CEMIP: variants seen among roughly 807,000 people sequenced by gnomAD.
CEMIP encodes the protein cell migration inducing hyaluronidase 1, also known as cell migration-inducing and hyaluronan-binding protein.
In CEMIP, 105 loss-of-function variants were observed where a neutral mutation model predicts 156.9. The ratio of observed to expected loss-of-function variants is 0.67; its 90% CI spans 0.57 to 0.79. The LOEUF is 0.79. CEMIP is among the 30% of genes least tolerant of loss of function. The probability of loss-of-function intolerance (pLI) is 0.00; values close to 1 mark genes in which losing one functional copy is unlikely to be tolerated. For synonymous variants in CEMIP, 676 were observed against 668.4 expected (o/e 1.01, Z -0.17); for missense variants, 1,457 against 1,769.4 (o/e 0.82, Z 3.17).
chr15:80,848,666 C>T (rs1158224085), intron 1 of CEMIP, among the ~76,000 whole-genome samples: 3 of 152,112 alleles, frequency 2.0e-5, no homozygotes, highest in African/African-American at 7.2e-5. Context: ...CACTGCCTGC[C>T]CATAGATGAG....
Position 80,887,748 on chromosome 15 carries a change from C to T in CEMIP, c.852C>T (p.Asp284=). 1 of 1,613,200 alleles carries T rather than the reference C, an allele frequency of 6.2e-7. No homozygotes were observed. Among genetic ancestry groups the T allele is most frequent in the East Asian group, 2.2e-5 (1 of 44,878 alleles). ...VKGNPSSSVE[D]HIEYHGHRGS... ...GAAATCCATCATCTTCAGTGGAAGA[C>T]CATATTGAATATCATGGTAATACAT... The change falls in exon 8 of 30, where the codon GAC becomes GAT. Residue 284 remains aspartate, a synonymous_variant. Transcript: ENST00000394685.
At position 80,949,667 on chromosome 15, in the gene CEMIP, G is replaced by A. The variant is rs1901733435; in HGVS notation, c.*743G>A. The A allele has an allele frequency of 1.9e-5, 3 of 156,518 alleles. No individual in the cohort carries two copies. Among genetic ancestry groups the A allele is most frequent in the African/African-American group, 7.2e-5 (3 of 41,486 alleles). The allele number at this position is 156,518 out of a possible 1,614,324, so 9.7% of individuals were successfully genotyped here. ...TGCCCCAGCGCACACGGGATGGAGA[G>A]GTGAGAACTAATGCCTAGCTTGAGG... On this transcript the variant is annotated 3_prime_UTR_variant, in exon 30 of 30. Transcript: ENST00000394685.
chr15:80,927,775 C>T lies in CEMIP; in HGVS notation c.2421-1127C>T, dbSNP rs369699796. Among the ~76,000 whole-genome samples the T allele has an allele frequency of 9.2e-5, 14 of 152,096 alleles. No homozygotes were observed. In the East Asian group the frequency reaches 1.7e-3, roughly 19 times the overall value. The stretch of plus-strand genomic sequence containing the variant: ...GGACCAGGAGCCTAGCACTGGGGGA[C>T]AGAAGCAATGAGGAAAAGCCATGGA... On this transcript the variant is annotated intron_variant, in intron 19 of 29. Coordinates refer to ENST00000394685, the MANE Select transcript of CEMIP (RefSeq NM_001293298.2).
intron 12 of CEMIP, among the ~76,000 whole-genome samples, chr15:80,902,019 C>T (rs1282445714): frequency 3.9e-5 from 6 of 152,200 alleles, no homozygotes; most frequent in Admixed American, 1.3e-4. Flanking sequence ...TCCTCATACC[C>T]GATCTGAGAA....
Position 80,924,703 on chromosome 15 carries a change from C to T in CEMIP, c.2285C>T (p.Ala762Val), listed in dbSNP as rs751310832. Reference protein sequence around the residue: ...DKRPFLSIISARYSPHQDADP... With the variant: ...DKRPFLSIISVRYSPHQDADP... Reference sequence around the variant, plus strand: ...CGGCCGTTCCTCTCAATCATCTCTGCCAGGTAATCAGCCATTGGGAAGACA... The same window carrying T: ...CGGCCGTTCCTCTCAATCATCTCTGTCAGGTAATCAGCCATTGGGAAGACA... Residue 762 changes from alanine to valine, a missense_variant, in exon 18 of 30, where the codon GCC becomes GTC. Around this residue, in one of 5 missense-constraint regions of CEMIP, gnomAD observed 798 missense variants for 980.1 expected, o/e 0.81. Coordinates refer to ENST00000394685, the MANE Select transcript of CEMIP (RefSeq NM_001293298.2). 1 of 1,613,900 alleles carries T rather than the reference C, an allele frequency of 6.2e-7. No individual in the cohort carries two copies. Among genetic ancestry groups the T allele is most frequent in the African/African-American group, 1.3e-5 (1 of 74,938 alleles).
At chr15:80,827,928 A>C (rs1178935090) in intron 1 of CEMIP, among the ~76,000 whole-genome samples, 1 of 152,208 alleles carries the variant, frequency 6.6e-6, no homozygotes, top group African/African-American at 2.4e-5. Context: ...CATCTCTGAA[A>C]GATTTGAAAC....
At chr15:80,926,958 G>A (rs1900708529) in intron 19 of CEMIP, among the ~76,000 whole-genome samples, 1 of 151,916 alleles carries the variant, frequency 6.6e-6, no homozygotes, top group Non-Finnish European at 1.5e-5. Context: ...AGCCTCCCGA[G>A]TAGCTGGGAT....
chr15:80,854,472 C>T (rs569853808), intron 1 of CEMIP, among the ~76,000 whole-genome samples: 1 of 152,338 alleles, frequency 6.6e-6, no homozygotes, highest in East Asian at 1.9e-4. Context: ...GCAAGGCTGA[C>T]CTGTGAGCCT....
Position 80,938,604 on chromosome 15 carries a change from G to C in CEMIP, c.3407+625G>C, listed in dbSNP as rs183931630. ...TGGGTGACAGAGAGAGTGAGAGATG[G>C]GCAAAGAAGGCACAGGGAAAATAGG... On this transcript the variant is annotated intron_variant, in intron 25 of 29. Transcript: ENST00000394685. 1.8e-4 allele frequency among the ~76,000 whole-genome samples: 28 copies of C among 152,026 alleles called. No individual in the cohort carries two copies. In the East Asian group the frequency reaches 5.4e-3, roughly 29 times the overall value.
intron 6 of CEMIP, among the ~76,000 whole-genome samples, chr15:80,881,566 T>C (rs1045080939): frequency 6.6e-6 from 1 of 152,074 alleles, no homozygotes; most frequent in Non-Finnish European, 1.5e-5. Context: ...TGAAAGGGCA[T>C]GACATTCTCA....
intron 12 of CEMIP, among the ~76,000 whole-genome samples, chr15:80,898,372 C>T (rs1316082869): frequency 2.6e-5 from 4 of 152,160 alleles, no homozygotes; most frequent in Admixed American, 2.6e-4. Context: ...GAGGCACTTA[C>T]AATATTGCCT....
chr15:80,801,709 C>A (rs916570635), intron 1 of CEMIP, among the ~76,000 whole-genome samples: 1 of 152,174 alleles, frequency 6.6e-6, no homozygotes, highest in African/African-American at 2.4e-5. Context: ...ACCACACCCA[C>A]CTTTGATAGA....
intron 1 of CEMIP, among the ~76,000 whole-genome samples, chr15:80,803,940 G>T (rs1297851269): frequency 1.3e-5 from 2 of 152,232 alleles, no homozygotes; most frequent in Non-Finnish European, 2.9e-5. Flanking sequence ...CTAAAGAAAA[G>T]AGATTTAATG....
chr15:80,812,032 G>T (rs1003910305), intron 1 of CEMIP, among the ~76,000 whole-genome samples: 1 of 151,316 alleles, frequency 6.6e-6, no homozygotes, highest in African/African-American at 2.4e-5. Context: ...GGCTTTCTCT[G>T]TATGTTGCCC....
chr15:80,927,634 T>C (rs1223441717), intron 19 of CEMIP, among the ~76,000 whole-genome samples: 3 of 152,120 alleles, frequency 2.0e-5, no homozygotes, highest in African/African-American at 7.2e-5. Context: ...CCAGACTCAT[T>C]CCAAGGTAGC....
intron 1 of CEMIP, among the ~76,000 whole-genome samples, chr15:80,806,162 C>T (rs1276691794): frequency 6.6e-6 from 1 of 152,178 alleles, no homozygotes; most frequent in Non-Finnish European, 1.5e-5. Flanking sequence ...CATGCCCATA[C>T]CAACGTATGT....
chr15:80,814,043 CTTTTTT>C (rs778309859), intron 1 of CEMIP, among the ~76,000 whole-genome samples: 3 of 73,728 alleles, frequency 4.1e-5, no homozygotes, highest in South Asian at 7.0e-4. Context: ...AACTCTTTGG[CTTTTTT>C]TTTTTTTTTT....
At chr15:80,802,413 C>T (rs1302496212) in intron 1 of CEMIP, among the ~76,000 whole-genome samples, 1 of 152,240 alleles carries the variant, frequency 6.6e-6, no homozygotes, top group Non-Finnish European at 1.5e-5. Flanking sequence ...CGTGGGCAGG[C>T]CCCACCCACC....
intron 1 of CEMIP, among the ~76,000 whole-genome samples, chr15:80,858,229 T>C (rs1264239622): frequency 2.0e-5 from 3 of 152,204 alleles, no homozygotes; most frequent in Admixed American, 6.5e-5. Context: ...TGCATAGTCC[T>C]TCATGAAATA....
Sources: allele counts gnomAD v4.1 joint callset (sites outside exome capture counted in the v4.1 genomes callset), GRCh38; gene constraint gnomAD v4.1.1; regional missense constraint gnomAD v4.1.1; transcripts MANE v1.5; gene names NCBI Gene and HGNC (gene_info 2026-07-23, HGNC 2026-07-21).